Variants in R3HDM1 observed in about 807,000 individuals in gnomAD.
R3HDM1 encodes the protein R3H domain-containing protein 1.
A neutral mutation model predicts 141.1 loss-of-function variants in R3HDM1; 46 were observed. The observed-to-expected ratio is 0.33, with a 90% confidence interval of 0.26 to 0.42. R3HDM1 has a LOEUF of 0.42. R3HDM1 is among the 10% of genes least tolerant of loss of function. The probability of loss-of-function intolerance (pLI) is 1.00; values close to 1 mark genes in which losing one functional copy is unlikely to be tolerated. For missense variants in R3HDM1, 1,184 were observed against 1,368.3 expected, an observed-to-expected ratio of 0.87 and a Z score of 2.12; for synonymous variants, 435 against 472.9, an observed-to-expected ratio of 0.92 and a Z score of 1.04.
chr2:135,682,783 G>C (rs1356614715), intron 21 of R3HDM1, among the ~76,000 whole-genome samples: 1 of 152,078 alleles, frequency 6.6e-6, no homozygotes, highest in Non-Finnish European at 1.5e-5. Context: ...GATCACTTGA[G>C]GTCAGGAGTT....
intron 1 of R3HDM1, among the ~76,000 whole-genome samples, chr2:135,535,360 G>A (rs191313107): frequency 8.6e-4 from 131 of 152,042 alleles, no homozygotes; most frequent in Admixed American, 4.3e-3. Flanking sequence ...TTAGTAGGGC[G>A]TGTTGGCGGG....
chr2:135,665,501 T>C, intron 19 of R3HDM1: 1 of 529,188 alleles, frequency 1.9e-6, no homozygotes, highest in Non-Finnish European at 3.9e-6. Context: ...TACTCAGGTT[T>C]CCACTGCTTT....
At chr2:135,531,993 G>C (rs1302034777) in intron 1 of R3HDM1, among the ~76,000 whole-genome samples, 11 of 152,222 alleles carry the variant, frequency 7.2e-5, no homozygotes, top group African/African-American at 4.8e-5. Flanking sequence ...AGGTTTCCGA[G>C]TCCCTGCCAT....
chr2:135,539,717 A>G lies in R3HDM1; in HGVS notation c.-250+8084A>G, dbSNP rs1006629639. On this transcript the variant is annotated intron_variant, in intron 1 of 26. Coordinates refer to ENST00000683871, the MANE Select transcript of R3HDM1 (RefSeq NM_001378107.1). Reference sequence around the variant, plus strand: ...GTAGTCTATTTAAAGTGTGAAGAGCATTATGTCTAAAAAATGCACATATCT... The same window carrying G: ...GTAGTCTATTTAAAGTGTGAAGAGCGTTATGTCTAAAAAATGCACATATCT... 8.5e-5 allele frequency among the ~76,000 whole-genome samples: 13 copies of G among 152,232 alleles called. 1 individual carries two copies. The highest frequency in any genetic ancestry group is 1.5e-5 in the Non-Finnish European group (1 of 68,040).
intron 1 of R3HDM1, among the ~76,000 whole-genome samples, chr2:135,544,782 G>A (rs1014888223): frequency 2.0e-5 from 3 of 151,974 alleles, no homozygotes; most frequent in Admixed American, 1.3e-4. Context: ...GCAACCTGGC[G>A]AAACCCTCAT....
chr2:135,709,115 A>C (rs990599304), intron 21 of R3HDM1, among the ~76,000 whole-genome samples: 2 of 151,882 alleles, frequency 1.3e-5, no homozygotes, highest in Admixed American at 1.3e-4. Context: ...GCTCTGTCGC[A>C]CAGGCTGGAG....
intron 1 of R3HDM1, among the ~76,000 whole-genome samples, chr2:135,578,599 C>G (rs1706052914): frequency 6.6e-6 from 1 of 152,076 alleles, no homozygotes; most frequent in African/African-American, 2.4e-5. Flanking sequence ...ACAATATTAA[C>G]TTGATTTATG....
rs538757410 is a variant in R3HDM1 at position 135,670,386 on chromosome 2, ACAG to A, written c.2153-4945_2153-4943del. 21 of 977,712 alleles carry A rather than the reference ACAG, an allele frequency of 2.1e-5. No homozygotes were observed. In the South Asian group the frequency reaches 9.5e-4, roughly 44 times the overall value. The allele number at this position is 977,712 out of a possible 1,614,324, so 60.6% of individuals were successfully genotyped here. ...CAACACATGCCTTCATCCTGAAAGT[ACAG>A]TAAAGATCAGTTGAGTTGTTTGATG... On this transcript the variant is annotated intron_variant, in intron 19 of 26. Coordinates refer to ENST00000683871, the MANE Select transcript of R3HDM1 (RefSeq NM_001378107.1).
chr2:135,558,508 G>A (rs1701190272), intron 1 of R3HDM1, among the ~76,000 whole-genome samples: 3 of 152,098 alleles, frequency 2.0e-5, no homozygotes, highest in Admixed American at 1.3e-4. Context: ...GTTATTTTAA[G>A]GATTAATTGA....
chr2:135,697,556 CACT>C, intron 21 of R3HDM1, among the ~76,000 whole-genome samples: 1 of 152,276 alleles, frequency 6.6e-6, no homozygotes, highest in East Asian at 1.9e-4. Context: ...TCATTTCAGA[CACT>C]ACTATACAAC....
chr2:135,632,520 T>C (rs1264228884), intron 9 of R3HDM1, among the ~76,000 whole-genome samples: 2 of 152,190 alleles, frequency 1.3e-5, no homozygotes, highest in African/African-American at 4.8e-5. Flanking sequence ...CTGGGCTATG[T>C]ATGATTCTCC....
intron 1 of R3HDM1, among the ~76,000 whole-genome samples, chr2:135,567,298 T>C (rs1245783205): frequency 6.6e-6 from 1 of 152,216 alleles, no homozygotes; most frequent in Non-Finnish European, 1.5e-5. Context: ...CTTGGAATTA[T>C]ACACCCAGGT....
At chr2:135,717,867 C>T (rs2076324507) in intron 24 of R3HDM1, among the ~76,000 whole-genome samples, 1 of 152,152 alleles carries the variant, frequency 6.6e-6, no homozygotes, top group South Asian at 2.1e-4. Context: ...AACATGTTCA[C>T]ATAGTCTTGT....
intron 11 of R3HDM1, among the ~76,000 whole-genome samples, chr2:135,637,767 G>A (rs1399641026): frequency 2.0e-5 from 3 of 152,162 alleles, no homozygotes; most frequent in African/African-American, 7.2e-5. Context: ...TTGGACTTCT[G>A]GGGTTTTTGG....
chr2:135,537,447 A>G (rs1277172189), intron 1 of R3HDM1, among the ~76,000 whole-genome samples: 1 of 150,400 alleles, frequency 6.6e-6, no homozygotes, highest in Non-Finnish European at 1.5e-5. Context: ...CCATCATGCC[A>G]GCTAATTTTT....
rs900746938 is a variant in R3HDM1, at chr2:135,566,770, G to A, written c.-250+35137G>A. On this transcript the variant is annotated intron_variant, in intron 1 of 26. Transcript: ENST00000683871. ...ATGATCAAAACTGTAAGCCCAGCGC[G>A]GTGGCTCACGCCTGTAATCATGGTG... The A allele has an allele frequency of 2.1e-5, 21 of 985,124 alleles. 1 individual carries two copies. The highest frequency in any genetic ancestry group is 1.4e-4 in the South Asian group (3 of 21,278). 61.0% of individuals were successfully genotyped at this position (985,124 alleles called of 1,614,324 possible).
At chr2:135,581,663 G>A (rs1484553417) in intron 1 of R3HDM1, among the ~76,000 whole-genome samples, 7 of 152,134 alleles carry the variant, frequency 4.6e-5, no homozygotes, top group Non-Finnish European at 1.0e-4. Context: ...TGACCATGCC[G>A]AATTTCCTAC....
chr2:135,689,185 C>G (rs935980331), intron 21 of R3HDM1, among the ~76,000 whole-genome samples: 1 of 152,142 alleles, frequency 6.6e-6, no homozygotes, highest in Non-Finnish European at 1.5e-5. Flanking sequence ...CTAACCAGCC[C>G]TTTAGTCTGG....
intron 3 of R3HDM1, among the ~76,000 whole-genome samples, chr2:135,615,016 G>A (rs545022517): frequency 2.6e-5 from 4 of 152,026 alleles, no homozygotes; most frequent in South Asian, 2.1e-4. Context: ...TCATGTGTGC[G>A]CACACATGCT....
Sources: gnomAD v4.1 joint callset for allele counts (sites outside exome capture counted in the v4.1 genomes callset) on GRCh38, gnomAD v4.1.1 for gene constraint, MANE v1.5 for transcripts, NCBI Gene and HGNC (gene_info 2026-07-23, HGNC 2026-07-21) for gene names.